The following GALNT13 variants were observed in gnomAD, a reference collection of about 807,000 sequenced individuals.
The protein encoded by GALNT13 is UDP-GalNAc:polypeptide N-acetylgalactosaminyltransferase 13.
A neutral mutation model predicts 64.2 loss-of-function variants in GALNT13; 28 were observed. The ratio of observed to expected loss-of-function variants is 0.44; its 90% CI spans 0.32 to 0.60. The LOEUF (loss-of-function observed/expected upper bound fraction) is 0.60. GALNT13 is among the 20% of genes least tolerant of loss of function. The pLI, the probability that GALNT13 is intolerant of heterozygous loss-of-function variation, is 0.05. For missense variants in GALNT13, 577 were observed against 669.8 expected (o/e 0.86, Z 1.53); for synonymous variants, 214 against 224.6 (o/e 0.95, Z 0.42).
At chr2:153,937,372 AG>A in intron 2 of GALNT13, among the ~76,000 whole-genome samples, 1 of 152,338 alleles carries the variant, frequency 6.6e-6, no homozygotes, top group Non-Finnish European at 1.5e-5. Context: ...AAATGAGAGA[AG>A]ACAGTCATGA....
chr2:153,402,158 A>G, the GALNT13 span, among the ~76,000 whole-genome samples: 1,139 of 144,312 alleles, frequency 7.9e-3, 23 homozygotes, highest in African/African-American at 0.029. Context: ...GCTTGTCTGT[A>G]AAGTATTTTA....
chr2:154,299,518 G>T (rs1282819968), intron 8 of GALNT13, among the ~76,000 whole-genome samples: 1 of 147,934 alleles, frequency 6.8e-6, no homozygotes, highest in Non-Finnish European at 1.5e-5. Context: ...GCAGTGGCGT[G>T]ATCTCAGCTC....
the GALNT13 span, among the ~76,000 whole-genome samples, chr2:153,094,410 A>G: frequency 6.6e-6 from 1 of 152,228 alleles, no homozygotes; most frequent in African/African-American, 2.4e-5. Flanking sequence ...ATGGAAGAAC[A>G]TTCCATGCTC....
At chr2:154,371,025 A>T (rs1056831039) in intron 9 of GALNT13, among the ~76,000 whole-genome samples, 5 of 152,088 alleles carry the variant, frequency 3.3e-5, no homozygotes, top group Non-Finnish European at 5.9e-5. Context: ...GCTAGCAAGA[A>T]GGGAATAGGC....
At chr2:153,458,604 C>T in the GALNT13 span, among the ~76,000 whole-genome samples, 1 of 152,154 alleles carries the variant, frequency 6.6e-6, no homozygotes, top group Non-Finnish European at 1.5e-5. Flanking sequence ...CTTAGTTTTA[C>T]ATCTACTTGG....
At chr2:153,260,734 G>T in the GALNT13 span, among the ~76,000 whole-genome samples, 1 of 152,066 alleles carries the variant, frequency 6.6e-6, no homozygotes, top group South Asian at 2.1e-4. Flanking sequence ...ATTGATATCT[G>T]TCTCTAGATT....
At chr2:153,205,002 C>A in the GALNT13 span, among the ~76,000 whole-genome samples, 2 of 152,062 alleles carry the variant, frequency 1.3e-5, no homozygotes, top group South Asian at 4.1e-4. Context: ...TAGTAAAAGT[C>A]TTGAAGCAAA....
chr2:153,348,954 C>T, the GALNT13 span, among the ~76,000 whole-genome samples: 2 of 152,144 alleles, frequency 1.3e-5, no homozygotes, highest in Non-Finnish European at 2.9e-5. Context: ...TTGTGTATTG[C>T]TCCAATAAAT....
chr2:153,970,158 C>T (rs989715126), intron 3 of GALNT13, among the ~76,000 whole-genome samples: 1 of 152,186 alleles, frequency 6.6e-6, no homozygotes, highest in East Asian at 1.9e-4. Flanking sequence ...TCTCTGAATT[C>T]AGTTCACAGT....
At chr2:153,542,386 A>G in the GALNT13 span, among the ~76,000 whole-genome samples, 1 of 152,014 alleles carries the variant, frequency 6.6e-6, no homozygotes, top group Non-Finnish European at 1.5e-5. Flanking sequence ...GTAGAAGCAC[A>G]TTTTATTCAG....
At chr2:154,409,443 T>C in intron 11 of GALNT13, 3 of 228,828 alleles carry the variant, frequency 1.3e-5, no homozygotes, top group South Asian at 6.5e-5. Context: ...GTTATTTTTA[T>C]CCATCTCTTT....
At chr2:154,426,273 C>A (rs1700465734) in intron 11 of GALNT13, among the ~76,000 whole-genome samples, 1 of 152,202 alleles carries the variant, frequency 6.6e-6, no homozygotes, top group African/African-American at 2.4e-5. Context: ...CCGTTATGTG[C>A]CATGTAGCTC....
the GALNT13 span, among the ~76,000 whole-genome samples, chr2:153,429,979 T>C: frequency 1.3e-5 from 2 of 152,172 alleles, no homozygotes; most frequent in East Asian, 3.8e-4. Context: ...GAATATGTTG[T>C]ATTTATAATA....
At chr2:153,112,709 C>T in the GALNT13 span, among the ~76,000 whole-genome samples, 2 of 152,022 alleles carry the variant, frequency 1.3e-5, no homozygotes, top group Admixed American at 6.6e-5. Flanking sequence ...TAGAAGAACA[C>T]ATTTTAACAC....
chr2:154,352,941 G>C lies in GALNT13; in HGVS notation c.1157-43050G>C, dbSNP rs116304017. Among the ~76,000 whole-genome samples the C allele has an allele frequency of 7.8e-3, 1,181 of 152,246 alleles. 13 individuals are homozygous for C. Among genetic ancestry groups the C allele is most frequent in the African/African-American group, 0.027 (1,122 of 41,544 alleles). ...TAGTATCCTCCAAACTTGTTGCTCTGGTTTGCTGGCAGCTGGAGTCTAGCT... is the reference window on the plus strand; with the variant it reads ...TAGTATCCTCCAAACTTGTTGCTCTCGTTTGCTGGCAGCTGGAGTCTAGCT... On this transcript the variant is annotated intron_variant, in intron 9 of 12. Coordinates refer to ENST00000392825, the MANE Select transcript of GALNT13 (RefSeq NM_052917.4).
chr2:154,168,785 G>T (rs1042641576), intron 4 of GALNT13, among the ~76,000 whole-genome samples: 1 of 152,016 alleles, frequency 6.6e-6, no homozygotes, highest in Non-Finnish European at 1.5e-5. Context: ...GGAGGTTGCA[G>T]TGAGTGAGAT....
chr2:154,024,566 C>T (rs573483955), intron 3 of GALNT13, among the ~76,000 whole-genome samples: 25 of 152,128 alleles, frequency 1.6e-4, no homozygotes, highest in Admixed American at 6.6e-4. Flanking sequence ...GACTTCTCTG[C>T]GTTGGTTATT....
At chr2:154,043,459 CACATGT>C (rs1699117888) in intron 3 of GALNT13, among the ~76,000 whole-genome samples, 1 of 96,952 alleles carries the variant, frequency 1.0e-5, no homozygotes. Flanking sequence ...TATATATACA[CACATGT>C]ATACATAAAA....
At chr2:154,162,948 ATT>A (rs1684817885) in intron 4 of GALNT13, among the ~76,000 whole-genome samples, 1 of 150,300 alleles carries the variant, frequency 6.7e-6, no homozygotes, top group South Asian at 2.1e-4. Flanking sequence ...CTCAACCCAC[ATT>A]CTTTTTTTTT....
Sources: allele counts gnomAD v4.1 joint callset (sites outside exome capture counted in the v4.1 genomes callset), GRCh38; gene constraint gnomAD v4.1.1; transcripts MANE v1.5; gene names NCBI Gene and HGNC (gene_info 2026-07-23, HGNC 2026-07-21).